Variants in FBXL13 observed in about 807,000 individuals in gnomAD.
The protein encoded by FBXL13 is F-box and leucine rich repeat protein 13.
A neutral mutation model predicts 83.6 loss-of-function variants in FBXL13; 67 were observed. That is an observed-to-expected ratio of 0.80 (90% CI 0.66 to 0.98). The LOEUF is 0.98. Among genes scored for constraint, FBXL13 ranks in the 50% least tolerant of loss-of-function variants. The pLI is 0.00. For missense variants in FBXL13, 822 were observed against 866.5 expected (o/e 0.95, Z 0.64); for synonymous variants, 272 against 299.5 (o/e 0.91, Z 0.95).
chr7:103,052,759 T>TTC (rs200900424), intron 2 of FBXL13, among the ~76,000 whole-genome samples: 1,624 of 149,214 alleles, frequency 0.011, 34 homozygotes, highest in African/African-American at 0.038. Context: ...TCCTTTTCTT[T>TTC]TTTTTTTTTT....
Position 102,963,425 on chromosome 7 carries a change from T to C in FBXL13, c.724+108A>G, listed in dbSNP as rs115234152. 6.5e-4 allele frequency: 861 copies of C among 1,321,006 alleles called. 6 individuals are homozygous for C. In the African/African-American group the frequency reaches 0.012, roughly 18 times the overall value. 81.8% of individuals were successfully genotyped at this position (1,321,006 alleles called of 1,614,324 possible). ...TAAATGGTTATAATTGGTATCCTTA[T>C]GACCTAAAACTGTCACTGAAGTTTC... is the stretch of plus-strand genomic sequence containing the variant. On this transcript the variant is annotated intron_variant, in intron 8 of 19. Coordinates refer to ENST00000313221, the Ensembl canonical transcript of FBXL13.
chr7:103,059,087 C>T (rs1373842595), intron 1 of FBXL13, among the ~76,000 whole-genome samples: 1 of 152,024 alleles, frequency 6.6e-6, no homozygotes, highest in African/African-American at 2.4e-5. Context: ...CAGTGAGACC[C>T]CATCTCTAAA....
At chr7:102,860,172 TTC>T (rs952368152) in intron 16 of FBXL13, among the ~76,000 whole-genome samples, 3 of 152,158 alleles carry the variant, frequency 2.0e-5, no homozygotes, top group African/African-American at 7.2e-5. Context: ...AAATAGAACT[TTC>T]TCTCTCTGGG....
At chr7:102,914,698 G>A (rs1306996311) in intron 10 of FBXL13, among the ~76,000 whole-genome samples, 2 of 152,210 alleles carry the variant, frequency 1.3e-5, no homozygotes, top group African/African-American at 4.8e-5. Context: ...GGCTGTGTAC[G>A]TGAGATTCGA....
chr7:102,989,964 C>T (rs1187893111), intron 6 of FBXL13, among the ~76,000 whole-genome samples: 1 of 152,224 alleles, frequency 6.6e-6, no homozygotes, highest in Non-Finnish European at 1.5e-5. Flanking sequence ...TTCAAATTCA[C>T]TGAATCCAAA....
At chr7:103,051,166 T>A (rs534528142) in intron 2 of FBXL13, among the ~76,000 whole-genome samples, 2 of 152,338 alleles carry the variant, frequency 1.3e-5, no homozygotes, top group African/African-American at 4.8e-5. Context: ...AGCCAATGAT[T>A]TTTCCTACCT....
At chr7:103,071,217 GA>G (rs934578592) in intron 1 of FBXL13, among the ~76,000 whole-genome samples, 2 of 148,356 alleles carry the variant, frequency 1.3e-5, no homozygotes, top group East Asian at 2.0e-4. Flanking sequence ...TAAAGAAAAA[GA>G]AAAAAAAAGC....
chr7:102,829,441 T>C (rs540452542), intron 18 of FBXL13, among the ~76,000 whole-genome samples: 10 of 152,336 alleles, frequency 6.6e-5, no homozygotes, highest in East Asian at 1.9e-4. Context: ...CAGAGGTGCA[T>C]TGCAGAGACA....
intron 11 of FBXL13, among the ~76,000 whole-genome samples, chr7:102,905,718 A>C (rs914101011): frequency 1.3e-5 from 2 of 151,992 alleles, no homozygotes; most frequent in African/African-American, 4.8e-5. Flanking sequence ...GTCTTCTTCA[A>C]CTGAAGGCAA....
intron 16 of FBXL13, among the ~76,000 whole-genome samples, chr7:102,856,017 T>C (rs1398365942): frequency 6.6e-6 from 1 of 152,222 alleles, no homozygotes; most frequent in African/African-American, 2.4e-5. Context: ...GTGAATTCTT[T>C]TAACTTTTTA....
chr7:102,863,980 C>G (rs576621870), intron 16 of FBXL13, among the ~76,000 whole-genome samples: 48 of 152,246 alleles, frequency 3.2e-4, no homozygotes, highest in African/African-American at 1.1e-3. Context: ...CTCATTATTT[C>G]TAGCTATCAT....
intron 10 of FBXL13, among the ~76,000 whole-genome samples, chr7:102,921,562 C>G (rs767648307): frequency 6.6e-5 from 10 of 151,910 alleles, no homozygotes; most frequent in Admixed American, 2.0e-4. Flanking sequence ...TGCCTGTAGT[C>G]CCAGCTACTT....
intron 10 of FBXL13, among the ~76,000 whole-genome samples, 189 bp downstream of exon 11, chr7:102,926,085 G>A (rs1818073903): frequency 6.6e-6 from 1 of 152,152 alleles, no homozygotes; most frequent in Admixed American, 6.5e-5. Flanking sequence ...TCACAAAAAT[G>A]CTAGCCAAGG....
chr7:102,972,159 G>A (rs1826766829), intron 6 of FBXL13, among the ~76,000 whole-genome samples: 1 of 151,888 alleles, frequency 6.6e-6, no homozygotes, highest in African/African-American at 2.4e-5. Flanking sequence ...AATAACAATG[G>A]GCAAAAAATC....
intron 11 of FBXL13, among the ~76,000 whole-genome samples, chr7:102,889,975 AC>A (rs1372415337): frequency 6.7e-6 from 1 of 148,320 alleles, no homozygotes; most frequent in Non-Finnish European, 1.5e-5. Context: ...GATGCTATCA[AC>A]CAATAAGATT....
At chr7:103,066,634 C>G (rs1357924006) in intron 1 of FBXL13, among the ~76,000 whole-genome samples, 1 of 151,922 alleles carries the variant, frequency 6.6e-6, no homozygotes, top group East Asian at 1.9e-4. Flanking sequence ...ACCTCATGAT[C>G]CACCCGCCTC....
intron 8 of FBXL13, among the ~76,000 whole-genome samples, chr7:102,950,384 C>T (rs527508123): frequency 6.6e-6 from 1 of 152,328 alleles, no homozygotes; most frequent in South Asian, 2.1e-4. Context: ...TGTGGAGCAA[C>T]AGGAACTCTC....
intron 6 of FBXL13, among the ~76,000 whole-genome samples, chr7:102,992,227 C>T (rs903324124): frequency 6.6e-6 from 1 of 152,210 alleles, no homozygotes; most frequent in African/African-American, 2.4e-5. Flanking sequence ...TGGTCCCTCA[C>T]TGCCTACTGG....
At chr7:103,057,186 T>C (rs1797420557) in intron 1 of FBXL13, among the ~76,000 whole-genome samples, 1 of 152,238 alleles carries the variant, frequency 6.6e-6, no homozygotes, top group Admixed American at 6.5e-5. Context: ...TGTTTTTACA[T>C]ACCCCTCTGT....
Sources: gnomAD v4.1 joint callset for allele counts (sites outside exome capture counted in the v4.1 genomes callset) on GRCh38, gnomAD v4.1.1 for gene constraint, MANE v1.5 for transcripts, NCBI Gene and HGNC (gene_info 2026-07-23, HGNC 2026-07-21) for gene names.